NXPH1: variants seen among roughly 807,000 people sequenced by gnomAD.
The protein encoded by NXPH1 is neurexophilin 1.
In NXPH1, 5 loss-of-function variants were observed where a neutral mutation model predicts 23.7. That is an observed-to-expected ratio of 0.21 (90% CI 0.11 to 0.44). The LOEUF (loss-of-function observed/expected upper bound fraction) is 0.44. Among genes scored for constraint, NXPH1 ranks in the 20% least tolerant of loss-of-function variants. NXPH1 has a pLI of 0.99. For synonymous variants in NXPH1, 144 were observed against 122.2 expected, an observed-to-expected ratio of 1.18 and a Z score of -1.18; for missense variants, 324 against 321.6, an observed-to-expected ratio of 1.01 and a Z score of -0.06.
intron 2 of NXPH1, among the ~76,000 whole-genome samples, chr7:8,685,139 A>G (rs1331479698): frequency 2.0e-5 from 3 of 151,946 alleles, no homozygotes; most frequent in African/African-American, 4.8e-5. Flanking sequence ...CCCTTATATG[A>G]TGCTCCTTTA....
chr7:8,657,475 G>A (rs376680896), intron 2 of NXPH1, among the ~76,000 whole-genome samples: 19 of 152,148 alleles, frequency 1.2e-4, no homozygotes, highest in African/African-American at 3.9e-4. Context: ...GAAACAAGGC[G>A]AAAGTAGAGA....
intron 2 of NXPH1, among the ~76,000 whole-genome samples, chr7:8,611,736 A>G (rs1169331045): frequency 7.9e-5 from 12 of 152,124 alleles, no homozygotes; most frequent in Admixed American, 1.3e-4. Context: ...AAATTTGCAT[A>G]AAGTTCATGG....
At chr7:8,496,328 C>G (rs17404572) in intron 2 of NXPH1, among the ~76,000 whole-genome samples, 2,469 of 152,128 alleles carry the variant, frequency 0.016, 18 homozygotes, top group Non-Finnish European at 0.027. Context: ...TCTTTCCTTC[C>G]TCATTGTTTT....
At chr7:8,641,602 G>T (rs1439642267) in intron 2 of NXPH1, among the ~76,000 whole-genome samples, 2 of 152,006 alleles carry the variant, frequency 1.3e-5, no homozygotes, top group Non-Finnish European at 2.9e-5. Flanking sequence ...AATATGCTTT[G>T]TTGGTTTCCT....
intron 2 of NXPH1, among the ~76,000 whole-genome samples, chr7:8,547,687 A>G (rs759946092): frequency 1.2e-4 from 18 of 151,228 alleles, no homozygotes; most frequent in Non-Finnish European, 2.5e-4. Flanking sequence ...ATTGTCTACT[A>G]TTTCCATCTT....
At chr7:8,461,580 C>T (rs1215570796) in intron 2 of NXPH1, among the ~76,000 whole-genome samples, 5 of 151,910 alleles carry the variant, frequency 3.3e-5, no homozygotes, top group African/African-American at 1.2e-4. Context: ...CCTGTAATCC[C>T]AGCACTTTGG....
intron 2 of NXPH1, among the ~76,000 whole-genome samples, chr7:8,632,605 T>G (rs1272026204): frequency 6.6e-6 from 1 of 152,206 alleles, no homozygotes; most frequent in African/African-American, 2.4e-5. Context: ...GAATCTGTTC[T>G]TATCGCCTTA....
At chr7:8,570,742 A>G (rs1322158400) in intron 2 of NXPH1, among the ~76,000 whole-genome samples, 1 of 151,936 alleles carries the variant, frequency 6.6e-6, no homozygotes. Context: ...TTTCAGGAGC[A>G]GAGAGAAGTG....
intron 2 of NXPH1, among the ~76,000 whole-genome samples, chr7:8,736,474 T>C (rs1780257399): frequency 6.6e-6 from 1 of 152,248 alleles, no homozygotes; most frequent in South Asian, 2.1e-4. Context: ...TCTAATTTGA[T>C]GGCACTGTGG....
intron 2 of NXPH1, among the ~76,000 whole-genome samples, chr7:8,524,724 C>A (rs942055449): frequency 6.6e-6 from 1 of 152,158 alleles, no homozygotes; most frequent in African/African-American, 2.4e-5. Flanking sequence ...GAATAAGTCT[C>A]ATGAGATCTG....
chr7:8,738,938 G>A (rs745578772), intron 2 of NXPH1, among the ~76,000 whole-genome samples: 2 of 151,910 alleles, frequency 1.3e-5, no homozygotes, highest in African/African-American at 2.4e-5. Flanking sequence ...GGGGAAAATC[G>A]CCTACTCAAG....
At chr7:8,628,278 T>C (rs1716791460) in intron 2 of NXPH1, among the ~76,000 whole-genome samples, 1 of 151,744 alleles carries the variant, frequency 6.6e-6, no homozygotes, top group Admixed American at 6.6e-5. Context: ...TTTGATGTTA[T>C]CTATCTTCGA....
chr7:8,620,882 G>A (rs1308384528), intron 2 of NXPH1, among the ~76,000 whole-genome samples: 1 of 152,122 alleles, frequency 6.6e-6, no homozygotes, highest in Non-Finnish European at 1.5e-5. Flanking sequence ...TCTCTTCCAG[G>A]TTGTATGTTT....
intron 2 of NXPH1, among the ~76,000 whole-genome samples, chr7:8,736,319 GTATGTTGTGT>G (rs1461306780): frequency 2.0e-5 from 3 of 152,118 alleles, no homozygotes; most frequent in Non-Finnish European, 2.9e-5. Flanking sequence ...AGAGATTCTA[GTATGTTGTGT>G]CTTTGTTCTC....
At chr7:8,688,441 G>C (rs1821180283) in intron 2 of NXPH1, among the ~76,000 whole-genome samples, 1 of 152,048 alleles carries the variant, frequency 6.6e-6, no homozygotes, top group African/African-American at 2.4e-5. Context: ...TAATATATTA[G>C]ATTGCTGCTT....
chr7:8,694,146 G>A lies in NXPH1; in HGVS notation c.55-56862G>A, dbSNP rs1454589170. On this transcript the variant is annotated intron_variant, in intron 2 of 2. Coordinates refer to ENST00000405863, the MANE Select transcript of NXPH1 (RefSeq NM_152745.3). ...GATCTGTCACTCCTGGAACATGCTG[G>A]GGCAGACCAGTTACATTCTTGTGGA... Among the ~76,000 whole-genome samples the A allele has an allele frequency of 2.6e-5, 4 of 152,130 alleles. No homozygotes were observed. In the South Asian group the frequency reaches 6.2e-4, roughly 24 times the overall value.
chr7:8,563,341 G>A (rs996171303), intron 2 of NXPH1, among the ~76,000 whole-genome samples: 3 of 151,878 alleles, frequency 2.0e-5, no homozygotes, highest in Non-Finnish European at 3.0e-5. Flanking sequence ...GTTATATTCA[G>A]TCATTGTGTC....
intron 2 of NXPH1, among the ~76,000 whole-genome samples, chr7:8,464,945 T>G (rs1816756661): frequency 6.6e-6 from 1 of 152,160 alleles, no homozygotes; most frequent in Admixed American, 6.5e-5. Context: ...GATGTTTTTT[T>G]GAATGAGGGA....
At chr7:8,631,356 A>G (rs1457222368) in intron 2 of NXPH1, among the ~76,000 whole-genome samples, 2 of 152,204 alleles carry the variant, frequency 1.3e-5, no homozygotes, top group Non-Finnish European at 2.9e-5. Flanking sequence ...CATTCAGGAC[A>G]TAGGGATCGG....
Sources: gnomAD v4.1 joint callset for allele counts (sites outside exome capture counted in the v4.1 genomes callset) on GRCh38, gnomAD v4.1.1 for gene constraint, MANE v1.5 for transcripts, NCBI Gene and HGNC (gene_info 2026-07-23, HGNC 2026-07-21) for gene names.